The following TRPA1 variants were observed in gnomAD, a reference collection of about 807,000 sequenced individuals.
The protein encoded by TRPA1 is ankyrin-like with transmembrane domains 1.
Under a neutral mutation model 131.3 loss-of-function variants are expected in TRPA1, and 129 were observed. That is an observed-to-expected ratio of 0.98 (90% CI 0.85 to 1.14). The LOEUF (loss-of-function observed/expected upper bound fraction) is 1.14, where lower values mean the gene tolerates loss of function less well. Among genes scored for constraint, TRPA1 ranks in the 50% most tolerant of loss-of-function variants. TRPA1 has a pLI of 0.00. For synonymous variants in TRPA1, 441 were observed against 451.7 expected (o/e 0.98, Z 0.30); for missense variants, 1,304 against 1,354.2 (o/e 0.96, Z 0.58).
chr8:72,086,365 T>C, the TRPA1 span, among the ~76,000 whole-genome samples: 1 of 152,222 alleles, frequency 6.6e-6, no homozygotes, highest in African/African-American at 2.4e-5. Context: ...TTATACATTC[T>C]GTAATTTTTA....
intron 6 of TRPA1, chr8:72,062,280 G>A (rs2129436090): frequency 5.7e-6 from 1 of 176,288 alleles, no homozygotes; most frequent in African/African-American, 2.4e-5. Flanking sequence ...GTATCTTGGA[G>A]GGGAGCTTGT....
intron 3 of TRPA1, among the ~76,000 whole-genome samples, chr8:72,067,985 C>T (rs1394188384): frequency 6.6e-6 from 1 of 152,206 alleles, no homozygotes; most frequent in Non-Finnish European, 1.5e-5. Flanking sequence ...CACCTCTTCC[C>T]TCAAGGATAA....
In TRPA1 at chr8:72,022,815, A is replaced by C; in HGVS notation, c.*91T>G. On this transcript the variant is annotated 3_prime_UTR_variant, in exon 27 of 27. Transcript: ENST00000262209. Reference sequence around the variant, plus strand: ...GATTTCACACGCAGCAAAATGAATCATTCTGCTTCTTCCTCACTCTTTTTA... The same window carrying C: ...GATTTCACACGCAGCAAAATGAATCCTTCTGCTTCTTCCTCACTCTTTTTA... The C allele has an allele frequency of 1.6e-6, 2 of 1,226,192 alleles. No homozygotes were observed. The highest frequency in any genetic ancestry group is 1.2e-5 in the South Asian group (1 of 81,282). The allele number at this position is 1,226,192 out of a possible 1,614,324, so 76.0% of individuals were successfully genotyped here. A position where few individuals can be genotyped will look rare whatever the true frequency, so the allele number is the denominator to read the frequency against.
chr8:72,042,296 A>G (rs1321250345), intron 17 of TRPA1, among the ~76,000 whole-genome samples: 2 of 151,976 alleles, frequency 1.3e-5, no homozygotes, highest in Non-Finnish European at 2.9e-5. Flanking sequence ...ATTGTTTATG[A>G]CTATTGAATG....
chr8:72,081,893 T>C, the TRPA1 span, among the ~76,000 whole-genome samples: 16 of 152,046 alleles, frequency 1.1e-4, no homozygotes, highest in African/African-American at 3.8e-4. Context: ...TTCTTATAAA[T>C]AGCATATAGT....
At chr8:72,072,511 TA>T (rs1205369820) in intron 1 of TRPA1, among the ~76,000 whole-genome samples, 1 of 152,038 alleles carries the variant, frequency 6.6e-6, no homozygotes, top group African/African-American at 2.4e-5. Flanking sequence ...ACTTTTTAAC[TA>T]AAAAAAATTA....
intron 15 of TRPA1, among the ~76,000 whole-genome samples, chr8:72,049,273 C>T (rs1805432895): frequency 6.6e-6 from 1 of 152,116 alleles, no homozygotes; most frequent in Admixed American, 6.6e-5. Flanking sequence ...CATTTTACCC[C>T]TACTTTTGTA....
Position 72,052,601 on chromosome 8 carries a change from T to G in TRPA1, c.1809A>C (p.Lys603Asn). Residue 603 changes from lysine to asparagine, a missense_variant and splice_region_variant, in exon 14 of 27, where the codon AAA becomes AAC. Coordinates refer to ENST00000262209, the MANE Select transcript of TRPA1 (RefSeq NM_007332.3). The stretch of plus-strand genomic sequence containing the variant: ...CAGTGGACAGGAAGACAGTGTACCT[T>G]TTGCTCCTGATGATCGTAAGAACAA... ...KEVVLTIIRS[K>N]RWDECLKIFS... The G allele has an allele frequency of 6.2e-7, 1 of 1,613,482 alleles. No individual in the cohort carries two copies. Among genetic ancestry groups the G allele is most frequent in the Middle Eastern group, 1.7e-4 (1 of 6,058 alleles).
intron 7 of TRPA1, chr8:72,060,557 A>G (rs937618949): frequency 6.6e-6 from 1 of 152,124 alleles, no homozygotes; most frequent in East Asian, 1.9e-4. Flanking sequence ...GTTTTTCACA[A>G]TCTTACGTTA....
intron 14 of TRPA1, among the ~76,000 whole-genome samples, chr8:72,051,370 G>C (rs772019785): frequency 6.6e-6 from 1 of 152,118 alleles, no homozygotes; most frequent in African/African-American, 2.4e-5. Context: ...GAACATTCCA[G>C]ATTTTGCCCA....
rs1438830599 is a variant in TRPA1, at chr8:72,055,673, G to C, written c.1364+13C>G. ...AAGAAGACATGTTCATACATTGCTA[G>C]ACTGACCCTTACCTGGCTGCAAAAT... On this transcript the variant is annotated intron_variant, in intron 11 of 26. Transcript: ENST00000262209. 2 of 1,613,664 alleles carry C rather than the reference G, an allele frequency of 1.2e-6. No homozygotes were observed. Among genetic ancestry groups the C allele is most frequent in the East Asian group, 4.5e-5 (2 of 44,866 alleles).
the TRPA1 span, among the ~76,000 whole-genome samples, chr8:72,087,618 T>C: frequency 3.6e-5 from 4 of 110,700 alleles, no homozygotes; most frequent in East Asian, 1.1e-3. Context: ...TTTTCAGTTA[T>C]ATGGATCTAT....
At chr8:72,057,629 C>T (rs1446198100) in intron 9 of TRPA1, 88 bp downstream of exon 9, 2 of 1,008,800 alleles carry the variant, frequency 2.0e-6, no homozygotes, top group Non-Finnish European at 3.2e-6. Flanking sequence ...TGGTGGCACA[C>T]AATGAATGTT....
chr8:72,065,436 G>A lies in TRPA1; in HGVS notation c.552+15C>T. 6.3e-7 allele frequency: 1 copy of A among 1,584,340 alleles called. No individual in the cohort carries two copies. Among genetic ancestry groups the A allele is most frequent in the Non-Finnish European group, 8.7e-7 (1 of 1,153,858 alleles). On this transcript the variant is annotated intron_variant, in intron 4 of 26. Coordinates refer to ENST00000262209, the MANE Select transcript of TRPA1 (RefSeq NM_007332.3). ...AAAGATAAAGAAAGCAGACAGATATGACAAATATACAAACCAAAATCTGCA... is the reference window on the plus strand; with the variant it reads ...AAAGATAAAGAAAGCAGACAGATATAACAAATATACAAACCAAAATCTGCA...
chr8:72,041,748 T>G (rs1226230202), intron 17 of TRPA1, among the ~76,000 whole-genome samples: 1 of 151,806 alleles, frequency 6.6e-6, no homozygotes, highest in East Asian at 1.9e-4. Flanking sequence ...TAAATACTTA[T>G]GTTATAAAAG....
chr8:72,023,801 G>T lies in TRPA1; in HGVS notation c.3149+13C>A. ...TAAATTTCTCAAGTACAGATAGAAG[G>T]AAAAATACATACCGGTATTTCTGCT... is the stretch of plus-strand genomic sequence containing the variant. On this transcript the variant is annotated intron_variant, in intron 26 of 26. Coordinates refer to ENST00000262209, the MANE Select transcript of TRPA1 (RefSeq NM_007332.3). 1 of 1,435,246 alleles carries T rather than the reference G, an allele frequency of 7.0e-7. No homozygotes were observed. Among genetic ancestry groups the T allele is most frequent in the Non-Finnish European group, 9.8e-7 (1 of 1,018,208 alleles). 88.9% of individuals were successfully genotyped at this position (1,435,246 alleles called of 1,614,324 possible).
At chr8:72,052,825 C>T (rs1444883211) in intron 13 of TRPA1, 60 bp from the exon 14 acceptor site, 1 of 1,585,912 alleles carries the variant, frequency 6.3e-7, no homozygotes, top group Non-Finnish European at 8.6e-7. Context: ...TCTTATTTCA[C>T]TGCTTAACTG....
rs78539664 is a variant in TRPA1 at position 72,057,865 on chromosome 8, C to A, written c.994-49G>T. On this transcript the variant is annotated intron_variant, in intron 8 of 26. Transcript: ENST00000262209. ...ACAAAGAGCTTAGAAACAGATAAAT[C>A]ATAATATATTGTAATCTCTAACTAA... 1,733 of 1,357,348 alleles carry A rather than the reference C, an allele frequency of 1.3e-3. 27 individuals are homozygous for A. In the African/African-American group the frequency reaches 0.02, roughly 16 times the overall value. The allele number at this position is 1,357,348 out of a possible 1,614,324, so 84.1% of individuals were successfully genotyped here. A position where few individuals can be genotyped will look rare whatever the true frequency, so the allele number is the denominator to read the frequency against.
At chr8:72,054,108 T>C in intron 12 of TRPA1, 1 of 522,810 alleles carries the variant, frequency 1.9e-6, no homozygotes, top group Non-Finnish European at 3.4e-6. Context: ...AATATGAAAG[T>C]ATATAAACAC....
Sources: allele counts gnomAD v4.1 joint callset (sites outside exome capture counted in the v4.1 genomes callset), GRCh38; gene constraint gnomAD v4.1.1; transcripts MANE v1.5; gene names NCBI Gene and HGNC (gene_info 2026-07-23, HGNC 2026-07-21).